The following NTSR2 variants were observed in gnomAD, a reference collection of about 807,000 sequenced individuals.
NTSR2 encodes neurotensin receptor type 2.
A neutral mutation model predicts 24.1 loss-of-function variants in NTSR2; 22 were observed. That is an observed-to-expected ratio of 0.91 (90% CI 0.65 to 1.30). The LOEUF is 1.30. Among genes scored for constraint, NTSR2 ranks in the 50% most tolerant of loss-of-function variants. NTSR2 has a pLI of 0.00. For missense variants in NTSR2, 570 were observed against 570.4 expected (o/e 1.00, Z 0.01); for synonymous variants, 291 against 267.0 (o/e 1.09, Z -0.88).
At chr2:11,668,071 T>A (rs1422885751) in intron 1 of NTSR2, among the ~76,000 whole-genome samples, 2 of 152,182 alleles carry the variant, frequency 1.3e-5, no homozygotes, top group African/African-American at 4.8e-5. Flanking sequence ...GCATGCTCAA[T>A]ATCTGGAAGG....
intron 1 of NTSR2, among the ~76,000 whole-genome samples, chr2:11,667,084 G>A (rs574351297): frequency 1.3e-5 from 2 of 152,220 alleles, no homozygotes; most frequent in South Asian, 2.1e-4. Context: ...GCATGTGAAC[G>A]CTACCCACAG....
At position 11,658,413 on chromosome 2, in the gene NTSR2, C is replaced by T; in HGVS notation, c.*66G>A. 12 of 1,525,820 alleles carry T rather than the reference C, an allele frequency of 7.9e-6. No individual in the cohort carries two copies. Among genetic ancestry groups the T allele is most frequent in the Non-Finnish European group, 1.1e-5 (12 of 1,137,648 alleles). The allele number at this position is 1,525,820 out of a possible 1,614,324, so 94.5% of individuals were successfully genotyped here. ...TTGAATGATTAGTGATGAGGTTGCT[C>T]ACCTGCTTTGCCAGGTGACTAAGCA... On this transcript the variant is annotated 3_prime_UTR_variant, in exon 4 of 4. Coordinates refer to ENST00000306928, the MANE Select transcript of NTSR2 (RefSeq NM_012344.4).
Position 11,658,281 on chromosome 2 carries a change from A to G in NTSR2, c.*198T>C, listed in dbSNP as rs1660972467. ...GAGATGGGTGCTGTTCTTTATCTCC[A>G]CTACACAGACGAGGGAGCCTGAGGC... On this transcript the variant is annotated 3_prime_UTR_variant, in exon 4 of 4. Transcript: ENST00000306928. 1 of 601,880 alleles carries G rather than the reference A, an allele frequency of 1.7e-6. No homozygotes were observed. The highest frequency in any genetic ancestry group is 2.8e-6 in the Non-Finnish European group (1 of 355,214). The allele number at this position is 601,880 out of a possible 1,614,324, so 37.3% of individuals were successfully genotyped here.
At chr2:11,667,409 C>T (rs1260416965) in intron 1 of NTSR2, among the ~76,000 whole-genome samples, 1 of 152,162 alleles carries the variant, frequency 6.6e-6, no homozygotes, top group Non-Finnish European at 1.5e-5. Context: ...TGCAGTGATG[C>T]AATCATGACT....
Position 11,662,159 on chromosome 2 carries a change from G to T in NTSR2, c.706C>A (p.Leu236Ile), listed in dbSNP as rs547914343. 1 of 1,599,600 alleles carries T rather than the reference G, an allele frequency of 6.3e-7. No individual in the cohort carries two copies. The highest frequency in any genetic ancestry group is 1.1e-5 in the South Asian group (1 of 89,446). The change falls in exon 2 of 4, where the codon CTC (leucine) becomes ATC (isoleucine). Residue 236 changes from leucine (L) to isoleucine (I), a missense_variant. Coordinates refer to ENST00000306928, the MANE Select transcript of NTSR2 (RefSeq NM_012344.4). ...GAAGTGGACGGCACTTGGGAGCAGA[G>T]GGCCAGCAGGTGGCTCACTGTGACC... Reference protein sequence around the residue: ...NGVTVSHLLALCSQVPSTSTP... With the variant: ...NGVTVSHLLAICSQVPSTSTP...
At chr2:11,668,025 G>A (rs1490673279) in intron 1 of NTSR2, among the ~76,000 whole-genome samples, 1 of 152,210 alleles carries the variant, frequency 6.6e-6, no homozygotes, top group Non-Finnish European at 1.5e-5. Flanking sequence ...AGGATGACTC[G>A]GTGGCCTCTG....
In NTSR2 at chr2:11,658,438, A is replaced by G. The variant is rs765250739; in HGVS notation, c.*41T>C. Reference sequence around the variant, plus strand: ...CACCTGCTTTGCCAGGTGACTAAGCAGCTGGTCATTTTGCTTGTTCTGTTC... The same window carrying G: ...CACCTGCTTTGCCAGGTGACTAAGCGGCTGGTCATTTTGCTTGTTCTGTTC... On this transcript the variant is annotated 3_prime_UTR_variant, in exon 4 of 4. Transcript: ENST00000306928. 1.3e-6 allele frequency: 2 copies of G among 1,539,676 alleles called. No individual in the cohort carries two copies. The highest frequency in any genetic ancestry group is 2.6e-5 in the South Asian group (2 of 78,010).
chr2:11,669,189 G>C (rs1257304053), intron 1 of NTSR2, among the ~76,000 whole-genome samples: 1 of 152,188 alleles, frequency 6.6e-6, no homozygotes, highest in Non-Finnish European at 1.5e-5. Context: ...GCAGGAACCT[G>C]GGTGGGTCAT....
rs750696161 is a variant in NTSR2 at position 11,669,488 on chromosome 2, C to G, written c.624+18G>C. On this transcript the variant is annotated intron_variant, in intron 1 of 3. Coordinates refer to ENST00000306928, the MANE Select transcript of NTSR2 (RefSeq NM_012344.4). ...CCCCCACCCCCCCTCCCCCGACTCC[C>G]GCTCTCCACGCCCTTACCTGGATAA... 7.9e-7 allele frequency: 1 copy of G among 1,261,476 alleles called. No homozygotes were observed. The highest frequency in any genetic ancestry group is 3.1e-5 in the Admixed American group (1 of 32,338). The allele number at this position is 1,261,476 out of a possible 1,614,324, so 78.1% of individuals were successfully genotyped here.
intron 3 of NTSR2, among the ~76,000 whole-genome samples, chr2:11,658,969 T>C (rs1661002387): frequency 6.6e-6 from 1 of 152,156 alleles, no homozygotes; most frequent in South Asian, 2.1e-4. Flanking sequence ...TTCTCCTGCC[T>C]ACAGTCCTGA....
In NTSR2 at chr2:11,662,248, G is replaced by A; in HGVS notation, c.625-8C>T. 1 of 1,496,042 alleles carries A rather than the reference G, an allele frequency of 6.7e-7. No homozygotes were observed. Among genetic ancestry groups the A allele is most frequent in the Non-Finnish European group, 8.9e-7 (1 of 1,120,816 alleles). The allele number at this position is 1,496,042 out of a possible 1,614,324, so 92.7% of individuals were successfully genotyped here. ...GGACACCAGCACATTCACCTGTGGAGGTAATGCCAAGGGCTATGGGGCAGC... is the reference window on the plus strand; with the variant it reads ...GGACACCAGCACATTCACCTGTGGAAGTAATGCCAAGGGCTATGGGGCAGC... On this transcript the variant is annotated splice_polypyrimidine_tract_variant and splice_region_variant and intron_variant, in intron 1 of 3. Transcript: ENST00000306928.
chr2:11,662,985 AC>A (rs1661111899), intron 1 of NTSR2, among the ~76,000 whole-genome samples: 1 of 152,202 alleles, frequency 6.6e-6, no homozygotes, highest in Non-Finnish European at 1.5e-5. Flanking sequence ...AGGATGGAAA[AC>A]CAGAATGACA....
chr2:11,663,191 G>A (rs1379011984), intron 1 of NTSR2, among the ~76,000 whole-genome samples: 2 of 152,156 alleles, frequency 1.3e-5, no homozygotes, highest in Non-Finnish European at 2.9e-5. Context: ...CAGGTCTCAG[G>A]AGATTAAAAG....
Position 11,669,938 on chromosome 2 carries a change from G to GCGCCCGGCC in NTSR2, c.183_191dup (p.Ala65_Arg67dup). 1 of 1,518,376 alleles carries GCGCCCGGCC rather than the reference G, an allele frequency of 6.6e-7. No homozygotes were observed. The highest frequency in any genetic ancestry group is 8.8e-7 in the Non-Finnish European group (1 of 1,140,052). 94.1% of individuals were successfully genotyped at this position (1,518,376 alleles called of 1,614,324 possible). A position where few individuals can be genotyped will look rare whatever the true frequency, so the allele number is the denominator to read the frequency against. ...GCACGTGGTGGCGCAGGCGCCCCGC[G>GCGCCCGGCC]CGCCCGGCCCGCGCCTTCAGCACCA... is the stretch of plus-strand genomic sequence containing the variant. On this transcript the variant is annotated inframe_insertion, in exon 1 of 4. Coordinates refer to ENST00000306928, the MANE Select transcript of NTSR2 (RefSeq NM_012344.4).
intron 2 of NTSR2, 144 bp from the exon 3 acceptor site, chr2:11,660,277 C>T (rs1661044202): frequency 1.6e-6 from 1 of 643,686 alleles, no homozygotes; most frequent in Admixed American, 2.3e-5. Context: ...TGGAAGGAGG[C>T]TTTGAGGTTA....
chr2:11,662,971 A>G (rs752075562), intron 1 of NTSR2, among the ~76,000 whole-genome samples: 1 of 152,220 alleles, frequency 6.6e-6, no homozygotes, highest in Non-Finnish European at 1.5e-5. Context: ...CAGGTCACAT[A>G]GATAGGATGG....
Position 11,666,352 on chromosome 2 carries a change from C to T in NTSR2, c.624+3154G>A, listed in dbSNP as rs142231913. 3.4e-4 allele frequency among the ~76,000 whole-genome samples: 51 copies of T among 152,108 alleles called. 1 individual carries two copies. The highest frequency in any genetic ancestry group is 4.3e-4 in the African/African-American group (18 of 41,520). On this transcript the variant is annotated intron_variant, in intron 1 of 3. Transcript: ENST00000306928. ...TAAAAAATGTACATATATAACTTTG[C>T]TTAAATAGTAAAGATGTTTTCAAAG...
rs368993002 is a variant in NTSR2 at position 11,660,085 on chromosome 2, C to A, written c.947G>T (p.Arg316Leu). 2 of 1,613,836 alleles carry A rather than the reference C, an allele frequency of 1.2e-6. No individual in the cohort carries two copies. Among genetic ancestry groups the A allele is most frequent in the Admixed American group, 1.7e-5 (1 of 60,024 alleles). Reference protein sequence around the residue: ...YVICWLPYHARRLMYCYVPDD... With the variant: ...YVICWLPYHALRLMYCYVPDD... ...AGGTACGTAGCAGTACATGAGCCTGCGGGCATGGTACGGCAGCCAGCAGAT... is the reference window on the plus strand; with the variant it reads ...AGGTACGTAGCAGTACATGAGCCTGAGGGCATGGTACGGCAGCCAGCAGAT... The change falls in exon 3 of 4, where the codon CGC (arginine) becomes CTC (leucine). Residue 316 changes from arginine to leucine, a missense_variant. Physicochemically the swap from Arg to Leu is moderately radical, Grantham distance 102. Transcript: ENST00000306928.
chr2:11,669,348 CCTT>C (rs1661271473), intron 1 of NTSR2, among the ~76,000 whole-genome samples, 155 bp downstream of exon 1: 1 of 152,206 alleles, frequency 6.6e-6, no homozygotes, highest in Admixed American at 6.5e-5. Context: ...ACGCCTCCCT[CCTT>C]CTAGTAAAAT....
Sources: gnomAD v4.1 joint callset for allele counts (sites outside exome capture counted in the v4.1 genomes callset) on GRCh38, gnomAD v4.1.1 for gene constraint, MANE v1.5 for transcripts, NCBI Gene and HGNC (gene_info 2026-07-23, HGNC 2026-07-21) for gene names.